The following DYNC1I1 variants were observed in gnomAD, a reference collection of about 807,000 sequenced individuals.
DYNC1I1 encodes cytoplasmic dynein 1 intermediate chain 1.
Under a neutral mutation model 86.6 loss-of-function variants are expected in DYNC1I1, and 43 were observed. That is an observed-to-expected ratio of 0.50 (90% CI 0.39 to 0.64). The LOEUF is 0.64. Among genes scored for constraint, DYNC1I1 ranks in the 30% least tolerant of loss-of-function variants. The probability of loss-of-function intolerance (pLI) is 0.00; values close to 1 mark genes in which losing one functional copy is unlikely to be tolerated. For synonymous variants in DYNC1I1, 262 were observed against 283.7 expected (o/e 0.92, Z 0.77); for missense variants, 604 against 788.8 (o/e 0.77, Z 2.81).
chr7:96,081,738 G>T (rs1790525436), intron 16 of DYNC1I1, among the ~76,000 whole-genome samples: 3 of 152,192 alleles, frequency 2.0e-5, no homozygotes, highest in Admixed American at 6.5e-5. Flanking sequence ...TATAAATTTG[G>T]CAATCCTAAA....
In DYNC1I1 at chr7:95,854,941, T is replaced by C. The variant is rs150881159; in HGVS notation, c.375-14942T>C. The stretch of plus-strand genomic sequence containing the variant: ...CCTTTTATTGGCCAAAGCTTGGTGA[T>C]AGGTATGAGAGTAGGTTACAGTCTA... On this transcript the variant is annotated intron_variant, in intron 5 of 16. Transcript: ENST00000447467. Among the ~76,000 whole-genome samples, 570 of 152,286 alleles carry C rather than the reference T, an allele frequency of 3.7e-3. 4 individuals carry two copies. The highest frequency in any genetic ancestry group is 0.013 in the African/African-American group (543 of 41,570).
chr7:95,962,767 T>C (rs1225271371), intron 6 of DYNC1I1, among the ~76,000 whole-genome samples: 1 of 152,182 alleles, frequency 6.6e-6, no homozygotes, highest in African/African-American at 2.4e-5. Flanking sequence ...AATAAGACCA[T>C]ACTTTCCTGT....
chr7:95,785,790 T>TATATA (rs1794124434), intron 1 of DYNC1I1, among the ~76,000 whole-genome samples: 1 of 79,546 alleles, frequency 1.3e-5, no homozygotes, highest in Non-Finnish European at 2.4e-5. Flanking sequence ...TATATATATA[T>TATATA]ATATATATAT....
intron 14 of DYNC1I1, among the ~76,000 whole-genome samples, chr7:96,044,781 G>A (rs1056613818): frequency 1.3e-5 from 2 of 152,122 alleles, no homozygotes; most frequent in African/African-American, 2.4e-5. Flanking sequence ...AGTGGGAAGT[G>A]GAGCTACTGA....
chr7:96,043,660 G>A (rs1789125080), intron 14 of DYNC1I1, among the ~76,000 whole-genome samples: 1 of 151,860 alleles, frequency 6.6e-6, no homozygotes, highest in Non-Finnish European at 1.5e-5. Context: ...GGCTACCAGG[G>A]AAATGCAAAT....
chr7:96,075,323 T>A (rs956518126), intron 14 of DYNC1I1, among the ~76,000 whole-genome samples: 2 of 139,088 alleles, frequency 1.4e-5, no homozygotes, highest in Non-Finnish European at 3.1e-5. Context: ...AAAGTCAATT[T>A]TGGGGGTTTT....
chr7:95,787,569 G>A (rs1794182181), intron 1 of DYNC1I1, among the ~76,000 whole-genome samples: 1 of 152,144 alleles, frequency 6.6e-6, no homozygotes, highest in South Asian at 2.1e-4. Flanking sequence ...AACAGGGAAA[G>A]GAGTTCACTC....
chr7:95,804,500 AT>A, intron 1 of DYNC1I1: 2 of 832,746 alleles, frequency 2.4e-6, no homozygotes, highest in Non-Finnish European at 1.7e-6. Context: ...TTCTTCAGAT[AT>A]TTATGTATAT....
intron 6 of DYNC1I1, among the ~76,000 whole-genome samples, chr7:95,942,721 C>T (rs566288484): frequency 4.1e-4 from 60 of 147,524 alleles, no homozygotes; most frequent in African/African-American, 1.1e-3. Context: ...GTTCAATATA[C>T]GCAAATCAAT....
At chr7:95,894,259 C>T (rs916010294) in intron 6 of DYNC1I1, among the ~76,000 whole-genome samples, 8 of 151,882 alleles carry the variant, frequency 5.3e-5, no homozygotes, top group Non-Finnish European at 1.0e-4. Flanking sequence ...AGTCCAAGAT[C>T]AAGATTCCAG....
At chr7:95,909,179 C>G (rs1425896388) in intron 6 of DYNC1I1, among the ~76,000 whole-genome samples, 2 of 113,058 alleles carry the variant, frequency 1.8e-5, no homozygotes, top group Non-Finnish European at 3.5e-5. Flanking sequence ...AGTAATGAGA[C>G]AGCAGAAAAA....
intron 12 of DYNC1I1, among the ~76,000 whole-genome samples, chr7:96,033,132 A>G (rs1794851410): frequency 6.6e-6 from 1 of 152,186 alleles, no homozygotes; most frequent in Non-Finnish European, 1.5e-5. Context: ...CAGCAGAGCA[A>G]TCCCTTATGG....
At chr7:95,896,386 T>A (rs1364563148) in intron 6 of DYNC1I1, among the ~76,000 whole-genome samples, 2 of 152,198 alleles carry the variant, frequency 1.3e-5, no homozygotes. Flanking sequence ...ACATTACTAA[T>A]AATGCGTGCT....
chr7:96,063,286 G>A (rs1234265370), intron 14 of DYNC1I1, among the ~76,000 whole-genome samples: 1 of 151,956 alleles, frequency 6.6e-6, no homozygotes, highest in Non-Finnish European at 1.5e-5. Context: ...CTCTCAAATT[G>A]CACTGTTGGG....
At chr7:96,056,320 C>A (rs1254654919) in intron 14 of DYNC1I1, among the ~76,000 whole-genome samples, 2 of 152,096 alleles carry the variant, frequency 1.3e-5, no homozygotes, top group South Asian at 2.1e-4. Context: ...GTGTGACATT[C>A]TTTCTTTTCT....
chr7:96,032,530 G>A, intron 11 of DYNC1I1, 137 bp from the exon 12 acceptor site: 1 of 632,810 alleles, frequency 1.6e-6, no homozygotes, highest in Non-Finnish European at 2.6e-6. Context: ...ATCAAAAGCG[G>A]CAAATGACCT....
At chr7:95,971,093 G>A (rs773000474) in intron 6 of DYNC1I1, among the ~76,000 whole-genome samples, 2 of 152,156 alleles carry the variant, frequency 1.3e-5, no homozygotes, top group Non-Finnish European at 2.9e-5. Context: ...GAGCTCTGCT[G>A]TGGACATGTC....
At chr7:95,854,512 CTT>C (rs1226110991) in intron 5 of DYNC1I1, among the ~76,000 whole-genome samples, 1 of 151,982 alleles carries the variant, frequency 6.6e-6, no homozygotes, top group Non-Finnish European at 1.5e-5. Flanking sequence ...TATTGTTTCT[CTT>C]GTTATTTTTA....
chr7:95,883,881 C>T (rs1790521354), intron 6 of DYNC1I1, among the ~76,000 whole-genome samples: 1 of 151,426 alleles, frequency 6.6e-6, no homozygotes, highest in Non-Finnish European at 1.5e-5. Flanking sequence ...CGATTCTCAG[C>T]ATCAGTTTAA....
Sources: gnomAD v4.1 joint callset for allele counts (sites outside exome capture counted in the v4.1 genomes callset) on GRCh38, gnomAD v4.1.1 for gene constraint, MANE v1.5 for transcripts, NCBI Gene and HGNC (gene_info 2026-07-23, HGNC 2026-07-21) for gene names.